Variants in TMBIM4 observed in about 807,000 individuals in gnomAD.
TMBIM4 encodes the protein transmembrane BAX inhibitor motif containing 4.
TMBIM4 carries 28 observed loss-of-function variants against 27.7 expected under a neutral mutation model. The observed-to-expected ratio is 1.01, with a 90% CI of 0.75 to 1.38. TMBIM4 has a LOEUF of 1.38. TMBIM4 is among the 40% of genes most tolerant of loss of function. The pLI is 0.00. For synonymous variants in TMBIM4, 115 were observed against 113.1 expected, an observed-to-expected ratio of 1.02 and a Z score of -0.11; for missense variants, 265 against 277.5, an observed-to-expected ratio of 0.95 and a Z score of 0.32.
chr12:66,160,269 A>G, intron 1 of TMBIM4: 1 of 702,964 alleles, frequency 1.4e-6, no homozygotes, highest in Non-Finnish European at 2.6e-6. Context: ...AGGTATCCTC[A>G]TATATTGTTT....
intron 4 of TMBIM4, 94 bp downstream of exon 4, chr12:66,147,814 G>T: frequency 1.1e-6 from 1 of 895,886 alleles, no homozygotes; most frequent in Middle Eastern, 2.3e-4. Flanking sequence ...GATATTCCAT[G>T]ATGTTAAACT....
chr12:66,156,114 T>C (rs2051931230), intron 1 of TMBIM4, among the ~76,000 whole-genome samples: 1 of 152,126 alleles, frequency 6.6e-6, no homozygotes, highest in African/African-American at 2.4e-5. Flanking sequence ...GTGAATAATA[T>C]AAAAAGTAGC....
intron 1 of TMBIM4, chr12:66,160,234 T>C: frequency 1.4e-6 from 1 of 703,322 alleles, no homozygotes; most frequent in Non-Finnish European, 2.6e-6. Flanking sequence ...AATCTGATGA[T>C]ATTCAGTGTG....
intron 4 of TMBIM4, among the ~76,000 whole-genome samples, chr12:66,146,452 GA>G (rs1222634824): frequency 6.6e-6 from 1 of 152,154 alleles, no homozygotes; most frequent in Non-Finnish European, 1.5e-5. Context: ...AATTGGGAAA[GA>G]AAAATATTGG....
At position 66,153,225 on chromosome 12, in the gene TMBIM4, C is replaced by A; in HGVS notation, c.206+115G>T. Reference sequence around the variant, plus strand: ...ATCAGGCTTATAAGAGTAAATGAACCTTTTTTACATTTTAACCTCAAAAGT... The same window carrying A: ...ATCAGGCTTATAAGAGTAAATGAACATTTTTTACATTTTAACCTCAAAAGT... On this transcript the variant is annotated intron_variant, in intron 2 of 6. Coordinates refer to ENST00000358230, the MANE Select transcript of TMBIM4 (RefSeq NM_016056.4). 2.1e-5 allele frequency: 14 copies of A among 668,082 alleles called. 1 individual carries two copies. The South Asian group carries it at 2.5e-4, about 12-fold the overall frequency. The allele number at this position is 668,082 out of a possible 1,614,324, so 41.4% of individuals were successfully genotyped here.
chr12:66,143,635 G>A (rs1419902683), intron 5 of TMBIM4, among the ~76,000 whole-genome samples: 1 of 152,104 alleles, frequency 6.6e-6, no homozygotes, highest in African/African-American at 2.4e-5. Context: ...TAATGATGTT[G>A]TAAAAACATC....
chr12:66,138,348 G>A (rs1421010346), intron 6 of TMBIM4, 182 bp from the exon 7 acceptor site: 3 of 866,754 alleles, frequency 3.5e-6, no homozygotes, highest in Non-Finnish European at 4.2e-6. Context: ...TTGGATGGAA[G>A]GATGAATGAG....
chr12:66,159,131 G>A (rs2051994146), intron 1 of TMBIM4, among the ~76,000 whole-genome samples: 1 of 152,192 alleles, frequency 6.6e-6, no homozygotes, highest in South Asian at 2.1e-4. Context: ...GCTTCAAAAG[G>A]TGGAACCTAA....
intron 1 of TMBIM4, among the ~76,000 whole-genome samples, chr12:66,166,019 C>CT (rs1448190801): frequency 1.3e-5 from 2 of 152,124 alleles, no homozygotes; most frequent in African/African-American, 2.4e-5. Context: ...ATGTTTTTAT[C>CT]TAAGAGTTTT....
In TMBIM4 at chr12:66,153,968, C is replaced by T. The variant is rs74097898; in HGVS notation, c.98-520G>A. ...ATTATTATTTCTCATTTATAGTACC[C>T]CTGCCTCTAGTTTCTATACAATAGA... On this transcript the variant is annotated intron_variant, in intron 1 of 6. Coordinates refer to ENST00000358230, the MANE Select transcript of TMBIM4 (RefSeq NM_016056.4). Among the ~76,000 whole-genome samples the T allele has an allele frequency of 2.6e-3, 395 of 152,146 alleles. 1 individual carries two copies. Among genetic ancestry groups the T allele is most frequent in the African/African-American group, 9.2e-3 (381 of 41,518 alleles).
chr12:66,141,415 G>C (rs2051666210), intron 5 of TMBIM4, among the ~76,000 whole-genome samples: 2 of 151,892 alleles, frequency 1.3e-5, no homozygotes, highest in Non-Finnish European at 1.5e-5. Context: ...ATAAAACCTA[G>C]AGCAACCTCT....
At chr12:66,154,886 A>G (rs2051906417) in intron 1 of TMBIM4, among the ~76,000 whole-genome samples, 2 of 152,302 alleles carry the variant, frequency 1.3e-5, no homozygotes, top group Middle Eastern at 3.4e-3. Flanking sequence ...TCTTTCCAAA[A>G]TCTAGAGTGA....
At chr12:66,155,639 G>C (rs1175436522) in intron 1 of TMBIM4, among the ~76,000 whole-genome samples, 2 of 152,028 alleles carry the variant, frequency 1.3e-5, no homozygotes, top group Non-Finnish European at 2.9e-5. Flanking sequence ...GCCCTGGAAT[G>C]TATTCTTTAC....
At chr12:66,167,338 G>A (rs191278090) in intron 1 of TMBIM4, among the ~76,000 whole-genome samples, 66 of 152,334 alleles carry the variant, frequency 4.3e-4, no homozygotes, top group African/African-American at 1.5e-3. Flanking sequence ...ATTAGTGCAA[G>A]AGGCTTGGGG....
intron 1 of TMBIM4, among the ~76,000 whole-genome samples, chr12:66,158,227 C>CAAAAAA (rs397947155): frequency 8.9e-6 from 1 of 112,450 alleles, no homozygotes; most frequent in African/African-American, 3.2e-5. Flanking sequence ...CTCCGTCTCA[C>CAAAAAA]AAAAAAAAAA....
intron 5 of TMBIM4, among the ~76,000 whole-genome samples, chr12:66,143,835 A>T (rs1206727179): frequency 6.6e-6 from 1 of 152,166 alleles, no homozygotes; most frequent in Non-Finnish European, 1.5e-5. Flanking sequence ...TTTGGCACTC[A>T]GCTTCCACAA....
intron 1 of TMBIM4, among the ~76,000 whole-genome samples, chr12:66,158,743 G>C (rs2051988969): frequency 6.6e-6 from 1 of 152,184 alleles, no homozygotes; most frequent in African/African-American, 2.4e-5. Context: ...ACACTTTTGG[G>C]TGTGGCTTTT....
In TMBIM4 at chr12:66,152,255, A is replaced by G. The variant is rs751805428; in HGVS notation, c.312+16T>C. On this transcript the variant is annotated intron_variant, in intron 3 of 6. Coordinates refer to ENST00000358230, the MANE Select transcript of TMBIM4 (RefSeq NM_016056.4). ...GGAATAATTGTTAAGGGAATAGAGA[A>G]AGTCAGAGTACTCACAAATCCAAAA... 4 of 1,468,896 alleles carry G rather than the reference A, an allele frequency of 2.7e-6. No homozygotes were observed. The African/African-American group carries it at 5.6e-5, about 20-fold the overall frequency. The allele number at this position is 1,468,896 out of a possible 1,614,324, so 91.0% of individuals were successfully genotyped here.
chr12:66,153,750 T>C (rs1239283195), intron 1 of TMBIM4, among the ~76,000 whole-genome samples: 1 of 152,134 alleles, frequency 6.6e-6, no homozygotes, highest in African/African-American at 2.4e-5. Flanking sequence ...CACAGCAGGA[T>C]ACAACATAGC....
Sources: allele counts gnomAD v4.1 joint callset (sites outside exome capture counted in the v4.1 genomes callset), GRCh38; gene constraint gnomAD v4.1.1; transcripts MANE v1.5; gene names NCBI Gene and HGNC (gene_info 2026-07-23, HGNC 2026-07-21).